The following ALDH1L2 variants were observed in gnomAD, a reference collection of about 807,000 sequenced individuals.
The protein encoded by ALDH1L2 is mitochondrial 10-formyltetrahydrofolate dehydrogenase.
In ALDH1L2, 91 loss-of-function variants were observed where a neutral mutation model predicts 111.0. The observed-to-expected ratio is 0.82, with a 90% CI of 0.69 to 0.98. The LOEUF is 0.98. ALDH1L2 is among the 50% of genes least tolerant of loss of function. The pLI, the probability that ALDH1L2 is intolerant of heterozygous loss-of-function variation, is 0.00. For missense variants in ALDH1L2, 995 were observed against 1,126.8 expected, an observed-to-expected ratio of 0.88 and a Z score of 1.67; for synonymous variants, 374 against 392.6, an observed-to-expected ratio of 0.95 and a Z score of 0.56.
intron 15 of ALDH1L2, among the ~76,000 whole-genome samples, chr12:105,044,206 CCT>C (rs1875704751): frequency 6.6e-6 from 1 of 152,164 alleles, no homozygotes; most frequent in African/African-American, 2.4e-5. Context: ...ATCACTACTA[CCT>C]ATCTGGCAAC....
At chr12:105,062,383 T>C (rs1463193071) in intron 7 of ALDH1L2, among the ~76,000 whole-genome samples, 1 of 152,224 alleles carries the variant, frequency 6.6e-6, no homozygotes, top group Non-Finnish European at 1.5e-5. Context: ...GGAAAATATC[T>C]GTAAGCTACA....
rs1874242910 is a variant in ALDH1L2, at chr12:105,023,214, T to TTAGATTAC, written c.*1202_*1209dup. 6.6e-6 allele frequency: 1 copy of TTAGATTAC among 152,214 alleles called. No homozygotes were observed. Among genetic ancestry groups the TTAGATTAC allele is most frequent in the African/African-American group, 2.4e-5 (1 of 41,460 alleles). The allele number at this position is 152,214 out of a possible 1,614,324, so 9.4% of individuals were successfully genotyped here. On this transcript the variant is annotated 3_prime_UTR_variant, in exon 23 of 23. Transcript: ENST00000258494. ...GATACTCAACCTAGGCTCTGAGATA[T>TTAGATTAC]TAGATTACTATCTTGCCCAAGATCA...
At position 105,084,372 on chromosome 12, in the gene ALDH1L2, G is replaced by T; in HGVS notation, c.48+17C>A. Reference sequence around the variant, plus strand: ...GGACAGGGTGACAGCCGGGACGCTCGCCCGGGCCGGACTCACCCGGCCAGT... The same window carrying T: ...GGACAGGGTGACAGCCGGGACGCTCTCCCGGGCCGGACTCACCCGGCCAGT... On this transcript the variant is annotated intron_variant, in intron 1 of 22. Transcript: ENST00000258494. 6.7e-7 allele frequency: 1 copy of T among 1,500,426 alleles called. No individual in the cohort carries two copies. Among genetic ancestry groups the T allele is most frequent in the Non-Finnish European group, 8.8e-7 (1 of 1,131,044 alleles). The allele number at this position is 1,500,426 out of a possible 1,614,324, so 92.9% of individuals were successfully genotyped here. A position where few individuals can be genotyped will look rare whatever the true frequency, so the allele number is the denominator to read the frequency against.
chr12:105,070,226 A>G (rs571412572), intron 3 of ALDH1L2, among the ~76,000 whole-genome samples: 23 of 152,320 alleles, frequency 1.5e-4, no homozygotes, highest in African/African-American at 5.3e-4. Context: ...AGTACTCCAT[A>G]GGCTATTCTT....
chr12:105,083,563 G>A (rs1007158793), intron 1 of ALDH1L2, among the ~76,000 whole-genome samples: 15 of 152,158 alleles, frequency 9.9e-5, no homozygotes, highest in African/African-American at 3.4e-4. Flanking sequence ...AAAAAGAATC[G>A]ATAAGCAAAT....
chr12:105,034,684 T>G (rs1040592167), intron 18 of ALDH1L2, among the ~76,000 whole-genome samples: 1 of 152,148 alleles, frequency 6.6e-6, no homozygotes, highest in South Asian at 2.1e-4. Flanking sequence ...GAAACAAATT[T>G]TGTGTTAAAA....
At chr12:105,031,285 C>T (rs866469846) in intron 20 of ALDH1L2, among the ~76,000 whole-genome samples, 83 of 152,142 alleles carry the variant, frequency 5.5e-4, no homozygotes, top group African/African-American at 1.7e-3. Context: ...AAACTCTATA[C>T]CCACTAAAAA....
At chr12:105,046,629 A>G in intron 15 of ALDH1L2, 81 bp downstream of exon 15, 2 of 1,240,078 alleles carry the variant, frequency 1.6e-6, no homozygotes, top group Non-Finnish European at 2.3e-6. Flanking sequence ...TTTGTTTGCT[A>G]TTTATAAATA....
intron 12 of ALDH1L2, among the ~76,000 whole-genome samples, chr12:105,051,512 C>T (rs1409978816): frequency 6.6e-6 from 1 of 152,200 alleles, no homozygotes; most frequent in African/African-American, 2.4e-5. Context: ...CTGCTGCTAG[C>T]CCTGCCTGGA....
intron 15 of ALDH1L2, among the ~76,000 whole-genome samples, chr12:105,046,085 C>T (rs1261567529): frequency 6.9e-6 from 1 of 144,068 alleles, no homozygotes; most frequent in African/African-American, 2.6e-5. Flanking sequence ...TCTTGTTATC[C>T]ATCTGGATAT....
chr12:105,065,754 T>G (rs1438614688), intron 5 of ALDH1L2, among the ~76,000 whole-genome samples: 1 of 152,042 alleles, frequency 6.6e-6, no homozygotes, highest in Non-Finnish European at 1.5e-5. Flanking sequence ...CTTAGCTCTC[T>G]GCTTTGTCCG....
chr12:105,079,566 CTT>C (rs1261984446), intron 1 of ALDH1L2, among the ~76,000 whole-genome samples: 4 of 152,120 alleles, frequency 2.6e-5, no homozygotes, highest in African/African-American at 7.2e-5. Context: ...ACTTCAAAGA[CTT>C]TGAGTAAAGG....
In ALDH1L2 at chr12:105,068,724, C is replaced by T. The variant is rs1412359998; in HGVS notation, c.589G>A (p.Ala197Thr). 1.3e-6 allele frequency: 2 copies of T among 1,516,338 alleles called. No individual in the cohort carries two copies. The highest frequency in any genetic ancestry group is 8.8e-7 in the Non-Finnish European group (1 of 1,132,298). 93.9% of individuals were successfully genotyped at this position (1,516,338 alleles called of 1,614,324 possible). ...NRFLFPEGIK[A>T]MVEAVQLIAD... ...GGGTGGCAAAATATACTAACCATGG[C>T]CTTGATTCCTTCAGGAAAAAGAAAC... The change falls in exon 4 of 23, where the codon GCC (alanine) becomes ACC (threonine). Residue 197 changes from alanine to threonine, a missense_variant. Ala to Thr is a moderately conservative substitution (Grantham distance 58, BLOSUM62 0). Transcript: ENST00000258494.
In ALDH1L2 at chr12:105,084,384, C is replaced by T; in HGVS notation, c.48+5G>A. ...AGCCGGGACGCTCGCCCGGGCCGGACTCACCCGGCCAGTGGAGAAGCGCCG... is the reference window on the plus strand; with the variant it reads ...AGCCGGGACGCTCGCCCGGGCCGGATTCACCCGGCCAGTGGAGAAGCGCCG... On this transcript the variant is annotated splice_donor_5th_base_variant and intron_variant, in intron 1 of 22. Coordinates refer to ENST00000258494, the MANE Select transcript of ALDH1L2 (RefSeq NM_001034173.4). 2 of 1,504,090 alleles carry T rather than the reference C, an allele frequency of 1.3e-6. No individual in the cohort carries two copies. The highest frequency in any genetic ancestry group is 1.8e-6 in the Non-Finnish European group (2 of 1,133,110). 93.2% of individuals were successfully genotyped at this position (1,504,090 alleles called of 1,614,324 possible). A position where few individuals can be genotyped will look rare whatever the true frequency, so the allele number is the denominator to read the frequency against.
rs36037315 is a variant in ALDH1L2 at position 105,021,584 on chromosome 12, C to CAA, written c.*2838_*2839dup. ...GGGCAACAAGAGCAAAACTCTGTCT[C>CAA]AAAAAAAAAAAAAAGTAATAATGGC... On this transcript the variant is annotated 3_prime_UTR_variant, in exon 23 of 23. Transcript: ENST00000258494. 16,748 of 137,330 alleles carry CAA rather than the reference C, an allele frequency of 0.12. 1,672 individuals are homozygous for CAA. Among genetic ancestry groups the CAA allele is most frequent in the East Asian group, 0.32 (1,586 of 4,952 alleles). The allele number at this position is 137,330 out of a possible 1,614,324, so 8.5% of individuals were successfully genotyped here.
chr12:105,030,364 A>G lies in ALDH1L2; in HGVS notation c.2476T>C (p.Ser826Pro). 2.5e-6 allele frequency: 4 copies of G among 1,613,748 alleles called. No individual in the cohort carries two copies. Among genetic ancestry groups the G allele is most frequent in the Non-Finnish European group, 3.4e-6 (4 of 1,179,766 alleles). The change falls in exon 21 of 23, where the codon TCC (serine) becomes CCC (proline). Residue 826 changes from serine (S) to proline (P), a missense_variant. Transcript: ENST00000258494. ...EDYMYLAKEE[S>P]FGPIMVISKF... ...GAAATGACCATAATAGGCCCAAAGG[A>G]TTCCTCTTTGGCGAGGTACATGTAG...
chr12:105,028,382 G>C (rs765067325), intron 21 of ALDH1L2, among the ~76,000 whole-genome samples: 12 of 152,150 alleles, frequency 7.9e-5, no homozygotes, highest in Non-Finnish European at 1.8e-4. Flanking sequence ...CAAAGTGCTG[G>C]GATTACAGGC....
chr12:105,039,665 A>G (rs1345593785), intron 17 of ALDH1L2, 48 bp downstream of exon 17: 2 of 1,538,214 alleles, frequency 1.3e-6, no homozygotes, highest in Non-Finnish European at 1.8e-6. Flanking sequence ...AAAAATTGAA[A>G]CCTAGTTTAA....
At chr12:105,061,138 G>T in intron 8 of ALDH1L2, 66 bp from the exon 9 acceptor site, 1 of 1,370,364 alleles carries the variant, frequency 7.3e-7, no homozygotes. Flanking sequence ...GACTGGGCTA[G>T]CTCTTCACCA....
Sources: gnomAD v4.1 joint callset for allele counts (sites outside exome capture counted in the v4.1 genomes callset) on GRCh38, gnomAD v4.1.1 for gene constraint, MANE v1.5 for transcripts, NCBI Gene and HGNC (gene_info 2026-07-23, HGNC 2026-07-21) for gene names.